Variants in CTIF observed in about 807,000 individuals in gnomAD.
CTIF encodes cap binding complex dependent translation initiation factor.
CTIF carries 21 observed loss-of-function variants against 66.0 expected under a neutral mutation model. The ratio of observed to expected loss-of-function variants is 0.32; its 90% CI spans 0.23 to 0.46. The LOEUF (loss-of-function observed/expected upper bound fraction) is 0.46. Ranked by LOEUF, CTIF falls within the 20% of genes least tolerant of loss-of-function variation. CTIF has a pLI of 1.00. For synonymous variants in CTIF, 345 were observed against 326.4 expected (o/e 1.06, Z -0.62); for missense variants, 739 against 812.7 (o/e 0.91, Z 1.10).
chr18:48,615,922 A>G (rs1277214010), intron 1 of CTIF, among the ~76,000 whole-genome samples: 1 of 152,238 alleles, frequency 6.6e-6, no homozygotes, highest in Non-Finnish European at 1.5e-5. Flanking sequence ...TCGGGGCACC[A>G]AAAGGCTGCA....
intron 5 of CTIF, among the ~76,000 whole-genome samples, chr18:48,669,793 T>TTTTA (rs1427402409): frequency 2.1e-5 from 1 of 47,252 alleles, no homozygotes; most frequent in African/African-American, 8.4e-5. Flanking sequence ...AGCTAAACAT[T>TTTTA]TATATATATA....
chr18:48,722,647 A>G (rs891620989), intron 7 of CTIF, among the ~76,000 whole-genome samples: 1 of 151,858 alleles, frequency 6.6e-6, no homozygotes, highest in African/African-American at 2.4e-5. Flanking sequence ...CACAGGTGTA[A>G]GCACCCGGCC....
chr18:48,670,485 ACCC>A (rs3830253), intron 5 of CTIF, 181 bp from the exon 6 acceptor site: 318 of 515,038 alleles, frequency 6.2e-4, no homozygotes, highest in Middle Eastern at 9.8e-4. Flanking sequence ...TTACGGGAGG[ACCC>A]CCCCCCCACA....
Position 48,758,026 on chromosome 18 carries a change from C to T in CTIF, c.692C>T (p.Ser231Leu). 6.2e-7 allele frequency: 1 copy of T among 1,614,042 alleles called. No homozygotes were observed. The highest frequency in any genetic ancestry group is 1.1e-5 in the South Asian group (1 of 91,076). ...RDHQKSYQGG[S>L]APHPSGRPTH... ...CACCAGAAATCCTACCAGGGGGGCT[C>T]AGCACCCCACCCCTCAGGGAGGCCC... Residue 231 changes from serine (S) to leucine (L), a missense_variant, in exon 8 of 12, where the codon TCA (serine) becomes TTA (leucine). Transcript: ENST00000256413.
intron 9 of CTIF, among the ~76,000 whole-genome samples, chr18:48,794,055 A>C (rs2067854028): frequency 6.6e-6 from 1 of 151,886 alleles, no homozygotes; most frequent in Non-Finnish European, 1.5e-5. Context: ...GGTAATCTGT[A>C]CCACCTTGGG....
intron 3 of CTIF, among the ~76,000 whole-genome samples, chr18:48,661,021 G>A (rs746461653): frequency 3.9e-5 from 6 of 152,232 alleles, no homozygotes; most frequent in Non-Finnish European, 4.4e-5. Context: ...CACAGAGGCA[G>A]TAGGGTCGTG....
intron 1 of CTIF, among the ~76,000 whole-genome samples, chr18:48,584,633 A>T (rs920617731): frequency 3.9e-5 from 6 of 152,164 alleles, no homozygotes; most frequent in Non-Finnish European, 5.9e-5. Context: ...TGCCCAGGCC[A>T]TCCCAAACTG....
intron 9 of CTIF, among the ~76,000 whole-genome samples, chr18:48,808,362 C>T (rs2068193306): frequency 6.6e-6 from 1 of 152,076 alleles, no homozygotes; most frequent in South Asian, 2.1e-4. Flanking sequence ...ATATTAAGAC[C>T]ATTGCCCTTT....
intron 9 of CTIF, among the ~76,000 whole-genome samples, chr18:48,796,111 T>G (rs562519100): frequency 6.6e-6 from 1 of 152,208 alleles, no homozygotes; most frequent in Non-Finnish European, 1.5e-5. Context: ...TTCTCCTGCC[T>G]CAGCCTCCCA....
chr18:48,838,713 A>G (rs2068868379), intron 10 of CTIF, among the ~76,000 whole-genome samples: 2 of 152,108 alleles, frequency 1.3e-5, no homozygotes, highest in Admixed American at 1.3e-4. Context: ...CCAACACTTC[A>G]TTTATTTGGT....
chr18:48,636,012 C>G (rs1350614457), intron 2 of CTIF, among the ~76,000 whole-genome samples: 3 of 152,206 alleles, frequency 2.0e-5, no homozygotes, highest in Non-Finnish European at 4.4e-5. Context: ...GCCCAGGGAC[C>G]TCCATGTTGC....
At chr18:48,553,852 AGGG>A (rs1159376079) in intron 1 of CTIF, among the ~76,000 whole-genome samples, 1 of 151,214 alleles carries the variant, frequency 6.6e-6, no homozygotes, top group Non-Finnish European at 1.5e-5. Context: ...TAGTAGAGAC[AGGG>A]TTTCCCTGTG....
chr18:48,846,351 A>G (rs2069071496), intron 10 of CTIF, among the ~76,000 whole-genome samples: 1 of 152,228 alleles, frequency 6.6e-6, no homozygotes, highest in African/African-American at 2.4e-5. Context: ...TCCCCCTACT[A>G]GACTATAAAT....
chr18:48,833,965 C>T (rs1378269808), intron 10 of CTIF, among the ~76,000 whole-genome samples: 1 of 152,180 alleles, frequency 6.6e-6, no homozygotes, highest in East Asian at 1.9e-4. Context: ...AAGCCCCTGA[C>T]AGCTCATTTT....
chr18:48,739,553 CT>C lies in CTIF; in HGVS notation c.585-18364del, dbSNP rs568001998. 4.6e-4 allele frequency among the ~76,000 whole-genome samples: 70 copies of C among 152,356 alleles called. 1 individual carries two copies. The highest frequency in any genetic ancestry group is 8.8e-4 in the Non-Finnish European group (60 of 68,040). On this transcript the variant is annotated intron_variant, in intron 7 of 11. Transcript: ENST00000256413. ...GAACCTCTCTGCCTCTTCCCAGTCA[CT>C]TCATCTTTGAAGAGACTGTCATCAC...
intron 1 of CTIF, among the ~76,000 whole-genome samples, chr18:48,557,222 C>G (rs2089043138): frequency 6.6e-6 from 1 of 152,072 alleles, no homozygotes; most frequent in Non-Finnish European, 1.5e-5. Flanking sequence ...AGGCCCCCTG[C>G]AAAACTTGTT....
intron 3 of CTIF, among the ~76,000 whole-genome samples, chr18:48,654,609 C>A (rs9949595): frequency 6.6e-6 from 1 of 152,198 alleles, no homozygotes. Context: ...TTTGACCCAG[C>A]CATCCCATTA....
intron 9 of CTIF, among the ~76,000 whole-genome samples, chr18:48,767,601 G>A (rs1909698162): frequency 6.6e-6 from 1 of 152,056 alleles, no homozygotes; most frequent in Non-Finnish European, 1.5e-5. Context: ...ACAGAAGGAT[G>A]CGATACCTTT....
At position 48,605,531 on chromosome 18, in the gene CTIF, A is replaced by G. The variant is rs1437853851; in HGVS notation, c.-28-14007A>G. 4.6e-5 allele frequency among the ~76,000 whole-genome samples: 7 copies of G among 152,314 alleles called. No homozygotes were observed. The East Asian group carries it at 1.3e-3, about 29-fold the overall frequency. On this transcript the variant is annotated intron_variant, in intron 1 of 11. Coordinates refer to ENST00000256413, the MANE Select transcript of CTIF (RefSeq NM_014772.3). ...GACTTCTCCTGCTGTGTGTGTGAAG[A>G]GGTTATCTGCTGCTACCATGCTCTA...
Sources: allele counts gnomAD v4.1 joint callset (sites outside exome capture counted in the v4.1 genomes callset), GRCh38; gene constraint gnomAD v4.1.1; transcripts MANE v1.5; gene names NCBI Gene and HGNC (gene_info 2026-07-23, HGNC 2026-07-21).